MAF: variants seen among roughly 807,000 people sequenced by gnomAD.
MAF encodes transcription factor Maf.
A neutral mutation model predicts 22.0 loss-of-function variants in MAF; 10 were observed. The ratio of observed to expected loss-of-function variants is 0.45; its 90% CI spans 0.28 to 0.77. The LOEUF is 0.77. Among genes scored for constraint, MAF ranks in the 30% least tolerant of loss-of-function variants. The pLI is 0.12. For missense variants in MAF, 544 were observed against 548.4 expected, an observed-to-expected ratio of 0.99 and a Z score of 0.08; for synonymous variants, 337 against 255.8, an observed-to-expected ratio of 1.32 and a Z score of -3.03.
chr16:79,273,980 A>T, the MAF span, among the ~76,000 whole-genome samples: 1 of 114,770 alleles, frequency 8.7e-6, no homozygotes, highest in Non-Finnish European at 1.6e-5. Context: ...TTTTTGAGAC[A>T]GTCTTGCTCT....
chr16:79,402,289 A>C, the MAF span, among the ~76,000 whole-genome samples: 9 of 152,218 alleles, frequency 5.9e-5, no homozygotes, highest in African/African-American at 1.9e-4. Context: ...ATGGGTAAAA[A>C]AGGCTGTTAC....
the MAF span, among the ~76,000 whole-genome samples, chr16:79,575,461 C>G: frequency 6.6e-6 from 1 of 152,282 alleles, no homozygotes; most frequent in Non-Finnish European, 1.5e-5. Flanking sequence ...CTACTGCTGA[C>G]TGGACAAGAG....
At chr16:79,367,600 T>C in the MAF span, among the ~76,000 whole-genome samples, 25 of 152,344 alleles carry the variant, frequency 1.6e-4, no homozygotes, top group African/African-American at 6.0e-4. Flanking sequence ...TCTGCAGTGA[T>C]GGAAATGTTT....
chr16:79,221,339 A>T, the MAF span, among the ~76,000 whole-genome samples: 1 of 152,170 alleles, frequency 6.6e-6, no homozygotes, highest in Non-Finnish European at 1.5e-5. Context: ...CCTGGGAAAA[A>T]ATTCAGTCAT....
the MAF span, among the ~76,000 whole-genome samples, chr16:79,241,791 G>C: frequency 2.6e-5 from 4 of 152,022 alleles, no homozygotes; most frequent in Non-Finnish European, 5.9e-5. Context: ...GGCAGCCAGA[G>C]AGAAAGGTTG....
chr16:79,448,324 C>T, the MAF span, among the ~76,000 whole-genome samples: 1 of 151,994 alleles, frequency 6.6e-6, no homozygotes, highest in Non-Finnish European at 1.5e-5. Context: ...AGAGGCAAGA[C>T]CCTCCATCCC....
the MAF span, among the ~76,000 whole-genome samples, chr16:79,218,760 G>C: frequency 6.6e-6 from 1 of 152,188 alleles, no homozygotes; most frequent in Non-Finnish European, 1.5e-5. Flanking sequence ...TTCAAAGTGA[G>C]TCTACATTCA....
At chr16:79,221,496 A>T in the MAF span, among the ~76,000 whole-genome samples, 1 of 152,202 alleles carries the variant, frequency 6.6e-6, no homozygotes, top group Non-Finnish European at 1.5e-5. Context: ...TCTATATCTC[A>T]TGTTCAATCT....
At chr16:79,207,150 CT>C in the MAF span, among the ~76,000 whole-genome samples, 6 of 152,282 alleles carry the variant, frequency 3.9e-5, no homozygotes, top group South Asian at 1.2e-3. Context: ...GGCTCACCCC[CT>C]CATCTCCACC....
chr16:79,244,906 A>G, the MAF span, among the ~76,000 whole-genome samples: 1 of 152,148 alleles, frequency 6.6e-6, no homozygotes. Flanking sequence ...CCTCAGAAAT[A>G]ATACCACACC....
chr16:79,525,971 C>T, the MAF span, among the ~76,000 whole-genome samples: 1 of 152,306 alleles, frequency 6.6e-6, no homozygotes, highest in African/African-American at 2.4e-5. Flanking sequence ...GCTTCCTTAC[C>T]TTAACCAGCC....
the MAF span, among the ~76,000 whole-genome samples, chr16:79,233,928 G>T: frequency 6.6e-6 from 1 of 150,752 alleles, no homozygotes; most frequent in Admixed American, 6.6e-5. Flanking sequence ...GGAGGCGGAG[G>T]TTGCGGTGAG....
chr16:79,462,120 A>G, the MAF span, among the ~76,000 whole-genome samples: 1 of 152,168 alleles, frequency 6.6e-6, no homozygotes, highest in Admixed American at 6.5e-5. Context: ...CCCCATGGGA[A>G]TTCTCTGGCT....
chr16:79,540,949 A>C, the MAF span, among the ~76,000 whole-genome samples: 5 of 152,114 alleles, frequency 3.3e-5, no homozygotes, highest in Non-Finnish European at 7.4e-5. Context: ...TACTATTGCT[A>C]TTACCGCTAG....
chr16:79,352,077 A>G, the MAF span, among the ~76,000 whole-genome samples: 58 of 152,282 alleles, frequency 3.8e-4, no homozygotes, highest in Non-Finnish European at 8.8e-5. Flanking sequence ...AGCTCTGTCC[A>G]GGACTAGTTC....
chr16:79,211,870 C>A, the MAF span: 1 of 1,594,402 alleles, frequency 6.3e-7, no homozygotes, highest in South Asian at 1.1e-5. Flanking sequence ...GGGCTGGGCC[C>A]CTTCCAAATG....
At chr16:79,472,896 T>A in the MAF span, among the ~76,000 whole-genome samples, 2,960 of 151,506 alleles carry the variant, frequency 0.02, 99 homozygotes, top group African/African-American at 0.068. Flanking sequence ...CTGGAGAGAT[T>A]TGGGTAGTCA....
chr16:79,596,957 A>G (rs1913567014), intron 1 of MAF: 2 of 1,051,026 alleles, frequency 1.9e-6, no homozygotes, highest in Non-Finnish European at 1.1e-6. Flanking sequence ...TAATTTTGAA[A>G]AGAAAAAAAA....
At chr16:79,214,752 G>A in the MAF span, among the ~76,000 whole-genome samples, 1 of 98,878 alleles carries the variant, frequency 1.0e-5, no homozygotes, top group East Asian at 3.4e-4. Flanking sequence ...TCACTCTGTT[G>A]CCCAGTCTAG....
Sources: gnomAD v4.1 joint callset for allele counts (sites outside exome capture counted in the v4.1 genomes callset) on GRCh38, gnomAD v4.1.1 for gene constraint, MANE v1.5 for transcripts, NCBI Gene and HGNC (gene_info 2026-07-23, HGNC 2026-07-21) for gene names.